Variants in SH3KBP1 observed in about 807,000 individuals in gnomAD.
SH3KBP1 encodes SH3 domain-containing kinase-binding protein 1.
In SH3KBP1, 8 loss-of-function variants were observed where a neutral mutation model predicts 50.1. That is an observed-to-expected ratio of 0.16 (90% CI 0.09 to 0.29). SH3KBP1 has a LOEUF of 0.29. Ranked by LOEUF, SH3KBP1 falls within the 10% of genes least tolerant of loss-of-function variation. The pLI is 1.00. For missense variants in SH3KBP1, 377 were observed against 535.2 expected, an observed-to-expected ratio of 0.70 and a Z score of 2.92; for synonymous variants, 227 against 218.6, an observed-to-expected ratio of 1.04 and a Z score of -0.34.
At chrX:19,719,992 G>A (rs1026630707) in intron 3 of SH3KBP1, among the ~76,000 whole-genome samples, 7 of 109,873 alleles carry the variant, frequency 6.4e-5, no homozygotes, top group African/African-American at 1.7e-4. Context: ...GTTTTCTCAC[G>A]TATAAAATTG....
chrX:19,748,176 C>CCA (rs2064972028), intron 2 of SH3KBP1, among the ~76,000 whole-genome samples: 1 of 112,241 alleles, frequency 8.9e-6, no homozygotes, highest in African/African-American at 3.2e-5. Flanking sequence ...TGCAAATTCC[C>CCA]CACCTAGACA....
chrX:19,563,043 G>A (rs935345542), intron 13 of SH3KBP1, among the ~76,000 whole-genome samples: 4 of 111,900 alleles, frequency 3.6e-5, no homozygotes, highest in African/African-American at 1.3e-4. Flanking sequence ...TGTTTACTGA[G>A]TTTGCGCTTA....
At position 19,749,034 on chromosome X, in the gene SH3KBP1, G is replaced by A. The variant is rs774069327; in HGVS notation, c.163-2593C>T. On this transcript the variant is annotated intron_variant, in intron 2 of 17. Coordinates refer to ENST00000397821, the MANE Select transcript of SH3KBP1 (RefSeq NM_031892.3). Reference sequence around the variant, plus strand: ...AAACATACAAGTGGCTAATGAGCATGTGACACGATGTTCAACATCATTAGT... The same window carrying A: ...AAACATACAAGTGGCTAATGAGCATATGACACGATGTTCAACATCATTAGT... Among the ~76,000 whole-genome samples, 12 of 112,564 alleles carry A rather than the reference G, an allele frequency of 1.1e-4. No individual in the cohort carries two copies. The South Asian group carries it at 3.6e-3, about 34-fold the overall frequency.
intron 9 of SH3KBP1, among the ~76,000 whole-genome samples, chrX:19,607,210 T>C (rs1008259135): frequency 1.8e-5 from 2 of 112,198 alleles, no homozygotes; most frequent in South Asian, 3.7e-4. Flanking sequence ...ATGAAGTGGG[T>C]TGAGGCTGGG....
rs570256036 is a variant in SH3KBP1, at chrX:19,872,448, C to T, written c.4+14859G>A. ...GTGAAATAGGGACAGTGCTGTGGAA[C>T]ATAAAAGCCCACATGCAGTTGCTTT... On this transcript the variant is annotated intron_variant, in intron 1 of 17. Coordinates refer to ENST00000397821, the MANE Select transcript of SH3KBP1 (RefSeq NM_031892.3). Among the ~76,000 whole-genome samples the T allele has an allele frequency of 2.7e-3, 298 of 109,335 alleles. 1 individual carries two copies. Among genetic ancestry groups the T allele is most frequent in the South Asian group, 0.02 (52 of 2,544 alleles). The allele number at this position is 109,335 out of a possible 115,157, so 94.9% of individuals were successfully genotyped here. A position where few individuals can be genotyped will look rare whatever the true frequency, so the allele number is the denominator to read the frequency against.
chrX:19,659,264 G>A (rs1162944036), intron 6 of SH3KBP1, among the ~76,000 whole-genome samples: 4 of 108,548 alleles, frequency 3.7e-5, no homozygotes, highest in Non-Finnish European at 7.7e-5. Context: ...ACAGGTGCCC[G>A]CCACCACGCC....
intron 2 of SH3KBP1, among the ~76,000 whole-genome samples, chrX:19,772,863 C>G (rs1259059742): frequency 1.8e-5 from 2 of 111,724 alleles, no homozygotes; most frequent in South Asian, 3.7e-4. Flanking sequence ...CATGAGAAAA[C>G]CTGTTCACTG....
chrX:19,622,356 C>T (rs2067865081), intron 8 of SH3KBP1, among the ~76,000 whole-genome samples: 1 of 112,253 alleles, frequency 8.9e-6, no homozygotes, highest in Admixed American at 9.4e-5. Flanking sequence ...AATATATTTG[C>T]ATGCACTCCT....
At chrX:19,750,020 A>G (rs752679974) in intron 2 of SH3KBP1, among the ~76,000 whole-genome samples, 49 of 111,490 alleles carry the variant, frequency 4.4e-4, no homozygotes, top group Non-Finnish European at 8.1e-4. Flanking sequence ...AGTAGGAGCC[A>G]GGATTGGAAC....
At chrX:19,766,143 G>C (rs1341699218) in intron 2 of SH3KBP1, among the ~76,000 whole-genome samples, 1 of 111,274 alleles carries the variant, frequency 9.0e-6, no homozygotes, top group Non-Finnish European at 1.9e-5. Context: ...GTATATAAAG[G>C]TTTCAATTGT....
intron 2 of SH3KBP1, among the ~76,000 whole-genome samples, chrX:19,765,289 G>A (rs2065569028): frequency 9.0e-6 from 1 of 111,284 alleles, no homozygotes; most frequent in African/African-American, 3.3e-5. Context: ...GTATCTCACA[G>A]TTCTGGAGGT....
chrX:19,698,384 T>C (rs1050168382), intron 4 of SH3KBP1, among the ~76,000 whole-genome samples: 1 of 112,020 alleles, frequency 8.9e-6, no homozygotes, highest in Non-Finnish European at 1.9e-5. Context: ...TCCTGATGTG[T>C]AGGAAAAGCA....
At chrX:19,594,027 T>C (rs73631361) in intron 10 of SH3KBP1, among the ~76,000 whole-genome samples, 10,577 of 111,770 alleles carry the variant, frequency 0.095, 1,138 homozygotes, top group African/African-American at 0.32. Context: ...GTCAAGTTTT[T>C]CCTCTTAACT....
intron 6 of SH3KBP1, among the ~76,000 whole-genome samples, chrX:19,657,317 T>C (rs1569391539): frequency 9.4e-6 from 1 of 105,977 alleles, no homozygotes; most frequent in Non-Finnish European, 1.9e-5. Flanking sequence ...GAAGTTGAGG[T>C]TGCAGTGAGC....
intron 6 of SH3KBP1, chrX:19,647,932 A>T (rs2062025193): frequency 3.0e-6 from 1 of 336,226 alleles, no homozygotes; most frequent in Admixed American, 2.8e-5. Context: ...CACATTTGAG[A>T]ACCACTGACC....
intron 2 of SH3KBP1, among the ~76,000 whole-genome samples, chrX:19,762,805 T>C (rs2065472463): frequency 8.9e-6 from 1 of 111,989 alleles, no homozygotes; most frequent in Non-Finnish European, 1.9e-5. Context: ...TCATTGGCTC[T>C]TCTGAAATGC....
At chrX:19,782,459 C>G (rs947757609) in intron 2 of SH3KBP1, among the ~76,000 whole-genome samples, 1 of 111,915 alleles carries the variant, frequency 8.9e-6, no homozygotes, top group Non-Finnish European at 1.9e-5. Flanking sequence ...GCCTCTGGGT[C>G]TGGTTCCACC....
chrX:19,701,812 AAC>A (rs923834848), intron 4 of SH3KBP1, among the ~76,000 whole-genome samples: 1 of 112,228 alleles, frequency 8.9e-6, no homozygotes, highest in Admixed American at 9.4e-5. Context: ...AATCTCAATA[AAC>A]ACAGTTTCTC....
At chrX:19,785,355 A>C (rs1031075377) in intron 2 of SH3KBP1, among the ~76,000 whole-genome samples, 11 of 104,612 alleles carry the variant, frequency 1.1e-4, no homozygotes, top group Non-Finnish European at 1.7e-4. Context: ...CGGTCTCTAC[A>C]AAAAATACAA....
Sources: allele counts gnomAD v4.1 joint callset (sites outside exome capture counted in the v4.1 genomes callset), GRCh38; gene constraint gnomAD v4.1.1; transcripts MANE v1.5; gene names NCBI Gene and HGNC (gene_info 2026-07-23, HGNC 2026-07-21).